The following EVC2 variants were observed in gnomAD, a reference collection of about 807,000 sequenced individuals.
EVC2 encodes the protein limbin.
In EVC2, 148 loss-of-function variants were observed where a neutral mutation model predicts 149.3. That is an observed-to-expected ratio of 0.99 (90% CI 0.87 to 1.14). The LOEUF (loss-of-function observed/expected upper bound fraction) is 1.14, where lower values mean the gene tolerates loss of function less well. Among genes scored for constraint, EVC2 ranks in the 50% most tolerant of loss-of-function variants. The pLI, the probability that EVC2 is intolerant of heterozygous loss-of-function variation, is 0.00. For missense variants in EVC2, 1,854 were observed against 1,627.3 expected (o/e 1.14, Z -2.40); for synonymous variants, 776 against 649.9 (o/e 1.19, Z -2.95).
rs529881868 is a variant in EVC2 at position 5,596,140 on chromosome 4, G to T, written c.2830-11290C>A. Among the ~76,000 whole-genome samples, 4 of 152,248 alleles carry T rather than the reference G, an allele frequency of 2.6e-5. No homozygotes were observed. The South Asian group carries it at 8.3e-4, about 32-fold the overall frequency. ...CAATGGGAGACTTTAACACCCCACTGTCAACATTAGACATATCAACAAGAC... is the reference window on the plus strand; with the variant it reads ...CAATGGGAGACTTTAACACCCCACTTTCAACATTAGACATATCAACAAGAC... On this transcript the variant is annotated intron_variant, in intron 16 of 21. Transcript: ENST00000344408.
At chr4:5,539,054 T>G (rs900369390), downstream of EVC2, among the ~76,000 whole-genome samples, 1 of 152,104 alleles carries the variant, frequency 6.6e-6, no homozygotes, top group Non-Finnish European at 1.5e-5. Flanking sequence ...GAAAACCTGA[T>G]AGAATCCACA....
intron 7 of EVC2, among the ~76,000 whole-genome samples, chr4:5,666,111 C>G (rs144348084): frequency 3.9e-5 from 6 of 152,004 alleles, no homozygotes; most frequent in Non-Finnish European, 5.9e-5. Context: ...CCAATTTTTA[C>G]GGTATTATAT....
In EVC2 at chr4:5,622,497, G is replaced by T; in HGVS notation, c.2501+40C>A. 1.9e-6 allele frequency: 3 copies of T among 1,600,884 alleles called. No individual in the cohort carries two copies. Among genetic ancestry groups the T allele is most frequent in the Non-Finnish European group, 2.6e-6 (3 of 1,172,956 alleles). ...GGGCAGGAATCTCCCTGGCATCAACGGGATGGGGAGGGGTGATTACGACCC... is the reference window on the plus strand; with the variant it reads ...GGGCAGGAATCTCCCTGGCATCAACTGGATGGGGAGGGGTGATTACGACCC... On this transcript the variant is annotated intron_variant, in intron 14 of 21. Transcript: ENST00000344408. The surrounding 1 kb of genome is among the most constrained non-coding windows in gnomAD (Gnocchi z 5.8).
rs1009734282 is a variant in EVC2, at chr4:5,657,721, TACA to T, written c.1145+5383_1145+5385del. Among the ~76,000 whole-genome samples, 24 of 139,754 alleles carry T rather than the reference TACA, an allele frequency of 1.7e-4. 1 individual carries two copies. The highest frequency in any genetic ancestry group is 1.2e-3 in the East Asian group (6 of 4,842). 91.7% of individuals were successfully genotyped at this position (139,754 alleles called of 152,430 possible). ...TACTGCTCAGGTGGGTAAGATGAAA[TACA>T]ACAACATTAATTTGAAAAAGAAAAA... On this transcript the variant is annotated intron_variant, in intron 9 of 21. Transcript: ENST00000344408. This position sits in a 1 kb window ranked among gnomAD's most constrained non-coding sequence, Gnocchi z 4.7.
chr4:5,579,774 G>A (rs1212660373), intron 17 of EVC2, among the ~76,000 whole-genome samples: 1 of 152,210 alleles, frequency 6.6e-6, no homozygotes, highest in Non-Finnish European at 1.5e-5. Context: ...CCAGGAGGTG[G>A]AGGTTGCAGT....
At chr4:5,631,716 G>A in intron 11 of EVC2, 77 bp downstream of exon 11, 3 of 1,585,616 alleles carry the variant, frequency 1.9e-6, no homozygotes, top group South Asian at 2.3e-5. Context: ...AGGCAGGACT[G>A]AACTCTGAGA....
chr4:5,535,091 C>A, the EVC2 span, among the ~76,000 whole-genome samples: 1 of 152,154 alleles, frequency 6.6e-6, no homozygotes, highest in African/African-American at 2.4e-5. This position sits in a 1 kb window ranked among gnomAD's most constrained non-coding sequence, Gnocchi z 4.7. Context: ...CACCCCCAGA[C>A]TCCTCAAAGA....
At chr4:5,643,596 G>A (rs1477865730) in intron 9 of EVC2, among the ~76,000 whole-genome samples, 4 of 152,146 alleles carry the variant, frequency 2.6e-5, no homozygotes, top group African/African-American at 4.8e-5. Context: ...GGTAGAGTGC[G>A]ACTACCTACA....
Position 5,577,067 on chromosome 4 carries a change from G to A in EVC2, c.3058-613C>T, listed in dbSNP as rs111702833. 4.9e-3 allele frequency among the ~76,000 whole-genome samples: 740 copies of A among 152,340 alleles called. 8 individuals carry two copies. Among genetic ancestry groups the A allele is most frequent in the African/African-American group, 0.017 (705 of 41,568 alleles). On this transcript the variant is annotated intron_variant, in intron 17 of 21. Coordinates refer to ENST00000344408, the MANE Select transcript of EVC2 (RefSeq NM_147127.5). ...ATCAGGGTGCCGAGCACTGCTCTGT[G>A]TACTTTCCATACGTGAATCTCACTG...
rs763121941 is a variant in EVC2, at chr4:5,697,654, A to C, written c.229-7T>G. 1 of 1,613,898 alleles carries C rather than the reference A, an allele frequency of 6.2e-7. No homozygotes were observed. The highest frequency in any genetic ancestry group is 2.2e-5 in the East Asian group (1 of 44,882). On this transcript the variant is annotated splice_polypyrimidine_tract_variant and splice_region_variant and intron_variant, in intron 1 of 21. Transcript: ENST00000344408. The stretch of plus-strand genomic sequence containing the variant: ...AAATCATACAGGGCAAGTCCTAAAA[A>C]ATTCAAGACACAAAGTCATTAATGG...
At chr4:5,537,381 C>T in the EVC2 span, among the ~76,000 whole-genome samples, 1 of 152,138 alleles carries the variant, frequency 6.6e-6, no homozygotes, top group Non-Finnish European at 1.5e-5. Context: ...AAAAGGATTC[C>T]AGGAAACAAT....
intron 1 of EVC2, among the ~76,000 whole-genome samples, chr4:5,704,705 T>TTTG (rs919057792): frequency 3.9e-5 from 6 of 152,066 alleles, no homozygotes; most frequent in South Asian, 2.1e-4. Context: ...GAAGTTTTGT[T>TTTG]TTGTTGTTGT....
Position 5,622,559 on chromosome 4 carries a change from G to C in EVC2, c.2479C>G (p.Arg827Gly). ...CACATGAAGATCAGGTGCTCCCAGC[G>C]TCGCAGCTCTGCCTGCTCCTCTGTC... ...AVTEEQAELR[R>G]WEHLIFMKLC... The change falls in exon 14 of 22, where the codon CGC (arginine) becomes GGC (glycine). Residue 827 changes from arginine to glycine, a missense_variant. Arg to Gly is a moderately radical substitution (Grantham distance 125). Transcript: ENST00000344408. The surrounding 1 kb of genome is among the most constrained non-coding windows in gnomAD (Gnocchi z 5.8). The C allele has an allele frequency of 6.8e-6, 11 of 1,613,914 alleles. No individual in the cohort carries two copies. The highest frequency in any genetic ancestry group is 9.3e-6 in the Non-Finnish European group (11 of 1,179,964).
Position 5,708,310 on chromosome 4 carries a change from C to A in EVC2, c.204G>T (p.Gly68=). 6.8e-7 allele frequency: 1 copy of A among 1,464,194 alleles called. No individual in the cohort carries two copies. The highest frequency in any genetic ancestry group is 1.3e-5 in the South Asian group (1 of 74,532). 90.7% of individuals were successfully genotyped at this position (1,464,194 alleles called of 1,614,324 possible). A position where few individuals can be genotyped will look rare whatever the true frequency, so the allele number is the denominator to read the frequency against. ...PGLRIPPGRS[G]AGPESSTQDL... ...CCTGCGTGCTGCTCTCGGGCCCCGC[C>A]CCGCTCCGCCCCGGAGGGATCCTCA... Residue 68 remains glycine (G), a synonymous_variant, in exon 1 of 22, where the codon GGG becomes GGT. Transcript: ENST00000344408.
chr4:5,584,480 T>C, intron 17 of EVC2, 143 bp downstream of exon 17: 1 of 827,422 alleles, frequency 1.2e-6, no homozygotes, highest in East Asian at 2.7e-5. Context: ...TACTCTCCAA[T>C]ATGTCACTTC....
Position 5,576,412 on chromosome 4 carries a change from G to T in EVC2, c.3100C>A (p.Gln1034Lys). ...TGCTGCTGCTGGGCTGCCTCCTGCT[G>T]CACCAGCTGGTCCTCCAGCTTCCTC... is the stretch of plus-strand genomic sequence containing the variant. ...LERKLEDQLV[Q>K]QEAAQQQQAL... Residue 1034 changes from glutamine to lysine, a missense_variant, in exon 18 of 22, where the codon CAG (glutamine) becomes AAG (lysine). Gln to Lys is a moderately conservative substitution (Grantham distance 53). Coordinates refer to ENST00000344408, the MANE Select transcript of EVC2 (RefSeq NM_147127.5). The surrounding 1 kb of genome is among the most constrained non-coding windows in gnomAD (Gnocchi z 4.5). 6.2e-7 allele frequency: 1 copy of T among 1,611,726 alleles called. No individual in the cohort carries two copies. Among genetic ancestry groups the T allele is most frequent in the Non-Finnish European group, 8.5e-7 (1 of 1,178,946 alleles).
In EVC2 at chr4:5,685,391, G is replaced by A. The variant is rs1275549226; in HGVS notation, c.795C>T (p.Leu265=). Residue 265 remains leucine, a synonymous_variant, in exon 6 of 22, where the codon CTC becomes CTT. Coordinates refer to ENST00000344408, the MANE Select transcript of EVC2 (RefSeq NM_147127.5). ...ATACCCGTGACGAGCTCTGAAAGGT[G>A]AGTTGGGCAGGAAGCTTGAGGCTCT... The part of the protein sequence containing the change: ...NGESLKLPAQ[L]TFQSSSRNRT... The A allele has an allele frequency of 1.9e-6, 3 of 1,614,116 alleles. No homozygotes were observed. Among genetic ancestry groups the A allele is most frequent in the African/African-American group, 2.7e-5 (2 of 74,946 alleles).
intron 1 of EVC2, 131 bp from the exon 2 acceptor site, chr4:5,697,778 C>T (rs1391834650): frequency 3.9e-6 from 3 of 777,986 alleles, no homozygotes; most frequent in Middle Eastern, 2.9e-4. Context: ...CAGAGTCTTG[C>T]TCTGTCACCC....
At position 5,697,691 on chromosome 4, in the gene EVC2, C is replaced by G. The variant is rs1369208675; in HGVS notation, c.229-44G>C. On this transcript the variant is annotated intron_variant, in intron 1 of 21. Coordinates refer to ENST00000344408, the MANE Select transcript of EVC2 (RefSeq NM_147127.5). ...AAAGTCATTAATGGAACACATACTT[C>G]TGAGAAGTGATAATAAATAATCTTT... The G allele has an allele frequency of 3.3e-6, 5 of 1,531,900 alleles. No homozygotes were observed. In the South Asian group the frequency reaches 5.6e-5, roughly 17 times the overall value. The allele number at this position is 1,531,900 out of a possible 1,614,324, so 94.9% of individuals were successfully genotyped here.
Sources: gnomAD v4.1 joint callset for allele counts (sites outside exome capture counted in the v4.1 genomes callset) on GRCh38, gnomAD v4.1.1 for gene constraint, Gnocchi (gnomAD v3.1) non-coding constraint, MANE v1.5 for transcripts, NCBI Gene and HGNC (gene_info 2026-07-23, HGNC 2026-07-21) for gene names.